The following CYP19A1 variants were observed in gnomAD, a reference collection of about 807,000 sequenced individuals.
The protein encoded by CYP19A1 is cytochrome P450 family 19 subfamily A member 1.
CYP19A1 carries 32 observed loss-of-function variants against 44.4 expected under a neutral mutation model. The ratio of observed to expected loss-of-function variants is 0.72; its 90% CI spans 0.54 to 0.97. CYP19A1 has a LOEUF of 0.97. CYP19A1 is among the 50% of genes least tolerant of loss of function. The pLI, the probability that CYP19A1 is intolerant of heterozygous loss-of-function variation, is 0.00. For missense variants in CYP19A1, 598 were observed against 637.8 expected, an observed-to-expected ratio of 0.94 and a Z score of 0.67; for synonymous variants, 212 against 215.6, an observed-to-expected ratio of 0.98 and a Z score of 0.14.
intron 1 of CYP19A1, chr15:51,277,462 G>A (rs2035353763): frequency 1.3e-5 from 2 of 152,194 alleles, no homozygotes; most frequent in Non-Finnish European, 2.9e-5. Context: ...TTTTCTTACG[G>A]CAATGAAAGC....
At chr15:51,238,655 G>A (rs189752744) in intron 2 of CYP19A1, among the ~76,000 whole-genome samples, 8 of 152,152 alleles carry the variant, frequency 5.3e-5, no homozygotes, top group South Asian at 2.1e-4. Flanking sequence ...CACCCAGCCC[G>A]CCATGTAAAA....
intron 1 of CYP19A1, among the ~76,000 whole-genome samples, chr15:51,255,080 G>A (rs1343862109): frequency 6.6e-6 from 1 of 152,156 alleles, no homozygotes; most frequent in Non-Finnish European, 1.5e-5. Context: ...AAGGGTGAGT[G>A]AGTGTTTGCC....
intron 8 of CYP19A1, among the ~76,000 whole-genome samples, chr15:51,214,107 T>C (rs1306189347): frequency 6.6e-6 from 1 of 152,230 alleles, no homozygotes; most frequent in Non-Finnish European, 1.5e-5. Context: ...AAAAAGATGA[T>C]GCCCTTCTAC....
At position 51,210,002 on chromosome 15, in the gene CYP19A1, C is replaced by T. The variant is rs2030772584; in HGVS notation, c.*806G>A. The T allele has an allele frequency of 5.5e-6, 1 of 180,784 alleles. No homozygotes were observed. Among genetic ancestry groups the T allele is most frequent in the African/African-American group, 2.4e-5 (1 of 41,586 alleles). 11.2% of individuals were successfully genotyped at this position (180,784 alleles called of 1,614,324 possible). A position where few individuals can be genotyped will look rare whatever the true frequency, so the allele number is the denominator to read the frequency against. On this transcript the variant is annotated 3_prime_UTR_variant, in exon 10 of 10. Coordinates refer to ENST00000396402, the MANE Select transcript of CYP19A1 (RefSeq NM_000103.4). ...AGGATTTTTATTTGAATTTGAAGTG[C>T]ATCATGTGAATTTTTTTTTCTACAG...
chr15:51,312,409 T>A (rs561924631), intron 1 of CYP19A1: 1 of 152,366 alleles, frequency 6.6e-6, no homozygotes, highest in South Asian at 2.1e-4. Flanking sequence ...CCAGATGCAT[T>A]ACATCATTTC....
rs77151735 is a variant in CYP19A1 at position 51,239,523 on chromosome 15, A to G, written c.146-2514T>C. Among the ~76,000 whole-genome samples, 1,430 of 152,330 alleles carry G rather than the reference A, an allele frequency of 9.4e-3. 25 individuals are homozygous for G. Among genetic ancestry groups the G allele is most frequent in the African/African-American group, 0.033 (1,383 of 41,574 alleles). ...GGATCTTAGAAACATACTATTGAGC[A>G]AAAGAAGCAAGATAGAAGAATACAT... On this transcript the variant is annotated intron_variant, in intron 2 of 9. Coordinates refer to ENST00000396402, the MANE Select transcript of CYP19A1 (RefSeq NM_000103.4).
intron 1 of CYP19A1, 46 bp from the exon 2 acceptor site, chr15:51,242,996 G>T (rs564977987): frequency 1.7e-5 from 16 of 942,472 alleles, no homozygotes; most frequent in Non-Finnish European, 2.6e-5. Flanking sequence ...CCCCTAAAAG[G>T]TTCATCTATA....
intron 5 of CYP19A1, 95 bp downstream of exon 5, chr15:51,222,254 A>C (rs1595681128): frequency 6.2e-7 from 1 of 1,600,450 alleles, no homozygotes; most frequent in East Asian, 2.2e-5. Flanking sequence ...AGCAATGTAG[A>C]AAATGGCATG....
intron 1 of CYP19A1, among the ~76,000 whole-genome samples, chr15:51,333,974 A>G (rs1336002663): frequency 2.6e-5 from 4 of 152,160 alleles, no homozygotes; most frequent in African/African-American, 9.7e-5. Flanking sequence ...GTTCCCCTAC[A>G]TGGTTTTTAG....
intron 1 of CYP19A1, 137 bp downstream of exon 1, chr15:51,338,358 A>C (rs1051508702): frequency 6.6e-6 from 1 of 152,036 alleles, no homozygotes; most frequent in Non-Finnish European, 1.5e-5. Context: ...TCTGCGACCA[A>C]ATGTAGGGGA....
intron 1 of CYP19A1, among the ~76,000 whole-genome samples, chr15:51,245,902 G>T (rs2034032528): frequency 6.6e-6 from 1 of 152,192 alleles, no homozygotes; most frequent in South Asian, 2.1e-4. Context: ...GCTGGAATTG[G>T]GGCCTAGGTG....
rs28367445 is a variant in CYP19A1, at chr15:51,310,515, C to T, written c.-39+27980G>A. 7.7e-3 allele frequency among the ~76,000 whole-genome samples: 1,174 copies of T among 152,288 alleles called. 15 individuals are homozygous for T. The highest frequency in any genetic ancestry group is 0.027 in the African/African-American group (1,118 of 41,562). ...CTTTTTTTCTCTCTCAGCTTGGACA[C>T]ACAGTCAGATGCAGCCCCCAAACTG... On this transcript the variant is annotated intron_variant, in intron 1 of 9. Transcript: ENST00000396402.
At chr15:51,280,387 C>G (rs545533071) in intron 1 of CYP19A1, among the ~76,000 whole-genome samples, 1 of 151,318 alleles carries the variant, frequency 6.6e-6, no homozygotes, top group Non-Finnish European at 1.5e-5. Context: ...TGTGAGCCAC[C>G]ACGCCCAGCC....
intron 4 of CYP19A1, among the ~76,000 whole-genome samples, chr15:51,225,499 G>T (rs2032495926): frequency 6.6e-6 from 1 of 152,200 alleles, no homozygotes. Flanking sequence ...CTGAAGCTCA[G>T]AAAGGCGAAG....
intron 1 of CYP19A1, among the ~76,000 whole-genome samples, chr15:51,290,446 G>T (rs775103198): frequency 2.0e-5 from 3 of 152,168 alleles, no homozygotes; most frequent in Admixed American, 1.3e-4. Flanking sequence ...GAGTGAAAAA[G>T]GTCTTCCATG....
At chr15:51,336,112 G>T (rs1469371462) in intron 1 of CYP19A1, among the ~76,000 whole-genome samples, 1 of 152,060 alleles carries the variant, frequency 6.6e-6, no homozygotes, top group African/African-American at 2.4e-5. Flanking sequence ...TCTAGGACAG[G>T]CTCTTCAGTG....
Position 51,218,565 on chromosome 15 carries a change from A to G in CYP19A1, c.719T>C (p.Leu240Pro), listed in dbSNP as rs1487415130. The change falls in exon 6 of 10, where the codon CTA (leucine) becomes CCA (proline). Residue 240 changes from leucine to proline, a missense_variant. Leu to Pro is a moderately conservative substitution (Grantham distance 98). Coordinates refer to ENST00000396402, the MANE Select transcript of CYP19A1 (RefSeq NM_000103.4). ...KPDIFFKISW[L>P]YKKYEKSVKD... ...CACAGACTTCTCATACTTTTTGTATAGCCAAGAAATCTTAAAGAAGATGTC... is the reference window on the plus strand; with the variant it reads ...CACAGACTTCTCATACTTTTTGTATGGCCAAGAAATCTTAAAGAAGATGTC... The G allele has an allele frequency of 2.5e-6, 4 of 1,613,562 alleles. No homozygotes were observed. The highest frequency in any genetic ancestry group is 3.4e-6 in the Non-Finnish European group (4 of 1,179,802).
intron 1 of CYP19A1, among the ~76,000 whole-genome samples, chr15:51,335,150 C>A (rs534812535): frequency 5.9e-4 from 85 of 143,948 alleles, no homozygotes; most frequent in Non-Finnish European, 1.2e-3. Context: ...GTACACTACA[C>A]TAGAAAGGTG....
intron 1 of CYP19A1, among the ~76,000 whole-genome samples, chr15:51,245,414 A>T (rs1471660226): frequency 6.6e-6 from 1 of 152,238 alleles, no homozygotes; most frequent in Non-Finnish European, 1.5e-5. Flanking sequence ...ATACGTATAC[A>T]TGTGCCATGC....
Sources: gnomAD v4.1 joint callset for allele counts (sites outside exome capture counted in the v4.1 genomes callset) on GRCh38, gnomAD v4.1.1 for gene constraint, MANE v1.5 for transcripts, NCBI Gene and HGNC (gene_info 2026-07-23, HGNC 2026-07-21) for gene names.